Variants in CENPP observed in about 807,000 individuals in gnomAD.
CENPP encodes the protein centromere protein P.
A neutral mutation model predicts 35.6 loss-of-function variants in CENPP; 24 were observed. The ratio of observed to expected loss-of-function variants is 0.67; its 90% confidence interval spans 0.49 to 0.95. CENPP has a LOEUF of 0.95. Ranked by LOEUF, CENPP falls within the 40% of genes least tolerant of loss-of-function variation. The pLI is 0.00. For missense variants in CENPP, 332 were observed against 345.3 expected (o/e 0.96, Z 0.31); for synonymous variants, 120 against 125.5 (o/e 0.96, Z 0.29).
rs367915713 is a variant in CENPP at position 92,328,933 on chromosome 9, G to A, written c.107+2828G>A. 2.6e-4 allele frequency among the ~76,000 whole-genome samples: 39 copies of A among 152,254 alleles called. 1 individual carries two copies. The highest frequency in any genetic ancestry group is 3.4e-3 in the Middle Eastern group (1 of 294). Reference sequence around the variant, plus strand: ...TTAAACACATGCACATTGTTGTACAGCCATCACCACTGTCCATCTTCAGAA... The same window carrying A: ...TTAAACACATGCACATTGTTGTACAACCATCACCACTGTCCATCTTCAGAA... On this transcript the variant is annotated intron_variant, in intron 1 of 7. Transcript: ENST00000375587.
chr9:92,456,567 A>G (rs1844884725), intron 5 of CENPP: 1 of 152,546 alleles, frequency 6.6e-6, no homozygotes, highest in Non-Finnish European at 1.5e-5. Flanking sequence ...AATGCGAGTT[A>G]CAGATTTTAT....
At chr9:92,352,898 A>G (rs1019973259) in intron 4 of CENPP, among the ~76,000 whole-genome samples, 2 of 152,042 alleles carry the variant, frequency 1.3e-5, no homozygotes, top group East Asian at 1.9e-4. Flanking sequence ...CTTCAATCCA[A>G]TCTAGTTGAC....
At chr9:92,500,994 G>A (rs1187329138) in intron 5 of CENPP, 1 of 1,614,030 alleles carries the variant, frequency 6.2e-7, no homozygotes, top group African/African-American at 1.3e-5. Context: ...CAAGGACTTG[G>A]GTAGATAGGA....
chr9:92,338,539 A>G (rs965362108), intron 3 of CENPP, among the ~76,000 whole-genome samples: 18 of 152,184 alleles, frequency 1.2e-4, no homozygotes, highest in Non-Finnish European at 8.8e-5. Context: ...ACTATAGTAT[A>G]TTGTTTAGGG....
At chr9:92,371,765 A>G (rs181240536) in intron 4 of CENPP, among the ~76,000 whole-genome samples, 5 of 149,548 alleles carry the variant, frequency 3.3e-5, no homozygotes, top group African/African-American at 5.0e-5. Context: ...TATTTGCTTT[A>G]TGAATCTGGA....
At chr9:92,607,582 C>T (rs1045031006) in intron 5 of CENPP, among the ~76,000 whole-genome samples, 1 of 152,128 alleles carries the variant, frequency 6.6e-6, no homozygotes, top group African/African-American at 2.4e-5. Flanking sequence ...ATGAATTTAT[C>T]TCAATTCTTT....
At chr9:92,570,879 G>C (rs143700721) in intron 5 of CENPP, among the ~76,000 whole-genome samples, 6,054 of 152,266 alleles carry the variant, frequency 0.04, 181 homozygotes, top group South Asian at 0.099. Context: ...GGTGTTTATA[G>C]TATTATCTGA....
At chr9:92,441,837 C>T (rs1468701892) in intron 5 of CENPP, among the ~76,000 whole-genome samples, 1 of 152,106 alleles carries the variant, frequency 6.6e-6, no homozygotes, top group Non-Finnish European at 1.5e-5. Context: ...GATACTGACT[C>T]AACAGACAAA....
At chr9:92,551,891 A>G in intron 5 of CENPP, among the ~76,000 whole-genome samples, 1 of 142,298 alleles carries the variant, frequency 7.0e-6, no homozygotes, top group African/African-American at 2.5e-5. Context: ...AAAAGGAATG[A>G]GTTAACAGCA....
At chr9:92,349,608 T>A (rs370825557) in intron 4 of CENPP, among the ~76,000 whole-genome samples, 1 of 152,088 alleles carries the variant, frequency 6.6e-6, no homozygotes, top group East Asian at 1.9e-4. Flanking sequence ...TTCACCATGT[T>A]GGCCAGGATG....
intron 5 of CENPP, among the ~76,000 whole-genome samples, chr9:92,413,908 A>G (rs1843513527): frequency 2.6e-5 from 4 of 152,194 alleles, no homozygotes; most frequent in Admixed American, 2.6e-4. Flanking sequence ...TCCAGAAAAA[A>G]AGACTTGCAA....
At chr9:92,495,353 C>T (rs996901958) in intron 5 of CENPP, 1 of 959,526 alleles carries the variant, frequency 1.0e-6, no homozygotes, top group Non-Finnish European at 1.2e-6. Context: ...TTGGTAGGGC[C>T]AATACATAGT....
At chr9:92,548,589 C>A (rs915603566) in intron 5 of CENPP, among the ~76,000 whole-genome samples, 29 of 152,092 alleles carry the variant, frequency 1.9e-4, no homozygotes, top group African/African-American at 7.0e-4. Flanking sequence ...AAATAATTGT[C>A]TTTATACAGT....
intron 5 of CENPP, among the ~76,000 whole-genome samples, chr9:92,382,892 C>CATTTTTTTTTTTTTTTTTT (rs1459666948): frequency 1.4e-5 from 1 of 69,812 alleles, no homozygotes; most frequent in Non-Finnish European, 2.7e-5. Flanking sequence ...CACTGTTTTC[C>CATTTTTTTTTTTTTTTTTT]TTTTTTTTTT....
At chr9:92,488,467 A>G (rs550403818) in intron 5 of CENPP, among the ~76,000 whole-genome samples, 23 of 152,366 alleles carry the variant, frequency 1.5e-4, no homozygotes, top group South Asian at 4.1e-4. Flanking sequence ...GTCTTTTGAT[A>G]CATGCCAAGT....
chr9:92,515,234 G>T, intron 5 of CENPP: 1 of 1,472,926 alleles, frequency 6.8e-7, no homozygotes, highest in Non-Finnish European at 9.0e-7. Context: ...AGGTAGCAGA[G>T]ATAAGTTGAT....
intron 5 of CENPP, among the ~76,000 whole-genome samples, chr9:92,577,237 G>C (rs1280175719): frequency 6.6e-6 from 1 of 152,142 alleles, no homozygotes; most frequent in Non-Finnish European, 1.5e-5. Flanking sequence ...ACAGGGGCTG[G>C]GTGCAGTGGC....
At chr9:92,580,961 A>G (rs1449709388) in intron 5 of CENPP, among the ~76,000 whole-genome samples, 6 of 151,790 alleles carry the variant, frequency 4.0e-5, no homozygotes, top group African/African-American at 1.5e-4. Context: ...TTCCCTCTAC[A>G]CACTGCTTTG....
chr9:92,343,441 G>A (rs1043754387), intron 3 of CENPP, among the ~76,000 whole-genome samples: 1 of 152,222 alleles, frequency 6.6e-6, no homozygotes, highest in African/African-American at 2.4e-5. Flanking sequence ...ATTGGTAGGA[G>A]TTTGTGGGGA....
Sources: gnomAD v4.1 joint callset for allele counts (sites outside exome capture counted in the v4.1 genomes callset) on GRCh38, gnomAD v4.1.1 for gene constraint, MANE v1.5 for transcripts, NCBI Gene and HGNC (gene_info 2026-07-23, HGNC 2026-07-21) for gene names.